Variants in DOCK10 observed in about 807,000 individuals in gnomAD.
DOCK10 encodes the protein dedicator of cytokinesis 10, also known as dedicator of cytokinesis protein 10.
In DOCK10, 145 loss-of-function variants were observed where a neutral mutation model predicts 280.1. The ratio of observed to expected loss-of-function variants is 0.52; its 90% CI spans 0.45 to 0.59. DOCK10 has a LOEUF of 0.59. Ranked by LOEUF, DOCK10 falls within the 20% of genes least tolerant of loss-of-function variation. DOCK10 has a pLI of 0.00. For missense variants in DOCK10, 2,368 were observed against 2,651.7 expected (o/e 0.89, Z 2.35); for synonymous variants, 915 against 942.2 (o/e 0.97, Z 0.53).
At chr2:225,036,126 T>G (rs932994376) in intron 1 of DOCK10, among the ~76,000 whole-genome samples, 5 of 152,156 alleles carry the variant, frequency 3.3e-5, no homozygotes, top group African/African-American at 1.2e-4. Flanking sequence ...GAAACACATG[T>G]TTAGGGTATG....
In DOCK10 at chr2:224,885,704, G is replaced by A. The variant is rs537431315; in HGVS notation, c.714C>T (p.Cys238=). The stretch of plus-strand genomic sequence containing the variant: ...CTCCTGTACAGGAATCCAAAAAGAT[G>A]CATCCTTTGGGTTCTTTGGATATTT... ...DEKISKEPKG[C]IFLDSCTGVV... Residue 238 remains cysteine, a synonymous_variant, in exon 7 of 56, where the codon TGC becomes TGT. Coordinates refer to ENST00000258390, the MANE Select transcript of DOCK10 (RefSeq NM_014689.3). 3 of 1,612,872 alleles carry A rather than the reference G, an allele frequency of 1.9e-6. No individual in the cohort carries two copies. Among genetic ancestry groups the A allele is most frequent in the Non-Finnish European group, 1.7e-6 (2 of 1,179,316 alleles).
At chr2:225,003,811 G>C (rs951837400) in intron 1 of DOCK10, among the ~76,000 whole-genome samples, 1 of 152,118 alleles carries the variant, frequency 6.6e-6, no homozygotes, top group Non-Finnish European at 1.5e-5. Context: ...TGACTCCCAA[G>C]CTGCTTTGGG....
chr2:224,793,432 G>C lies in DOCK10; in HGVS notation c.5180C>G (p.Ala1727Gly), dbSNP rs748475507. 1.2e-6 allele frequency: 2 copies of C among 1,613,508 alleles called. No individual in the cohort carries two copies. The highest frequency in any genetic ancestry group is 1.7e-6 in the Non-Finnish European group (2 of 1,179,618). Residue 1727 changes from alanine (A) to glycine (G), a missense_variant, in exon 46 of 56, where the codon GCT (alanine) becomes GGT (glycine). Ala to Gly is a moderately conservative substitution (Grantham distance 60). Coordinates refer to ENST00000258390, the MANE Select transcript of DOCK10 (RefSeq NM_014689.3). Reference protein sequence around the residue: ...SEAAMCYIHIAALIAEYLKRK... With the variant: ...SEAAMCYIHIGALIAEYLKRK... ...TTTCAGATACTCTGCAATGAGAGCAGCAATATGGATGTAACACATGGCAGC... is the reference window on the plus strand; with the variant it reads ...TTTCAGATACTCTGCAATGAGAGCACCAATATGGATGTAACACATGGCAGC...
At chr2:224,987,569 G>A (rs537318907) in intron 1 of DOCK10, among the ~76,000 whole-genome samples, 2 of 152,294 alleles carry the variant, frequency 1.3e-5, no homozygotes, top group African/African-American at 2.4e-5. Flanking sequence ...GGGATGGGGT[G>A]TATATCTAGT....
chr2:224,912,962 G>A (rs1027122453), intron 3 of DOCK10, among the ~76,000 whole-genome samples: 1 of 152,104 alleles, frequency 6.6e-6, no homozygotes, highest in Non-Finnish European at 1.5e-5. Context: ...GGAGGTGGGG[G>A]TTGCAGTGAG....
chr2:225,025,334 C>G (rs1689892571), intron 1 of DOCK10, among the ~76,000 whole-genome samples: 1 of 152,164 alleles, frequency 6.6e-6, no homozygotes, highest in Non-Finnish European at 1.5e-5. Flanking sequence ...TAAGAGGACA[C>G]TGGAGTTCGA....
At chr2:225,022,165 T>G (rs1689798879) in intron 1 of DOCK10, among the ~76,000 whole-genome samples, 1 of 152,340 alleles carries the variant, frequency 6.6e-6, no homozygotes, top group East Asian at 1.9e-4. Flanking sequence ...GCTTACAATA[T>G]AGCAGGTAAG....
chr2:224,823,495 C>G lies in DOCK10; in HGVS notation c.3183+6G>C. The stretch of plus-strand genomic sequence containing the variant: ...TGAATAGAACTGCGATCTCATATAA[C>G]TGTACCTTGAGAAATCTGGCAACGC... On this transcript the variant is annotated splice_donor_region_variant and intron_variant, in intron 28 of 55. Coordinates refer to ENST00000258390, the MANE Select transcript of DOCK10 (RefSeq NM_014689.3). 1 of 1,591,974 alleles carries G rather than the reference C, an allele frequency of 6.3e-7. No homozygotes were observed. The highest frequency in any genetic ancestry group is 8.5e-7 in the Non-Finnish European group (1 of 1,173,018).
In DOCK10 at chr2:224,893,303, CA is replaced by C. The variant is rs750765498; in HGVS notation, c.416+2991del. Reference sequence around the variant, plus strand: ...CACATTCTGGCTCACTGTAGACACTCAAAAAAATGCTCTTTTATTAAAAAAA... The same window carrying C: ...CACATTCTGGCTCACTGTAGACACTCAAAAAATGCTCTTTTATTAAAAAAA... On this transcript the variant is annotated intron_variant, in intron 4 of 55. Transcript: ENST00000258390. 212 of 161,700 alleles carry C rather than the reference CA, an allele frequency of 1.3e-3. 3 individuals are homozygous for C. The highest frequency in any genetic ancestry group is 6.3e-4 in the Non-Finnish European group (47 of 74,618). The allele number at this position is 161,700 out of a possible 1,614,324, so 10.0% of individuals were successfully genotyped here. A position where few individuals can be genotyped will look rare whatever the true frequency, so the allele number is the denominator to read the frequency against.
chr2:225,012,934 G>GAGCTTCTATTAGATTACC (rs781104312), intron 1 of DOCK10, among the ~76,000 whole-genome samples: 6 of 152,086 alleles, frequency 3.9e-5, no homozygotes, highest in Non-Finnish European at 7.4e-5. Context: ...TTAAATAATT[G>GAGCTTCTATTAGATTACC]AGCTTCTATT....
chr2:224,781,785 T>G (rs1460954962), intron 50 of DOCK10, among the ~76,000 whole-genome samples: 1 of 152,240 alleles, frequency 6.6e-6, no homozygotes, highest in Non-Finnish European at 1.5e-5. Context: ...ATTATGAAAC[T>G]TTAAGGCAAT....
intron 1 of DOCK10, among the ~76,000 whole-genome samples, chr2:225,003,085 T>C (rs1199943281): frequency 6.6e-6 from 1 of 152,196 alleles, no homozygotes; most frequent in Non-Finnish European, 1.5e-5. Context: ...TCTCACTTTA[T>C]CACCAGGCTG....
chr2:224,952,793 C>T (rs1408863337), intron 1 of DOCK10, among the ~76,000 whole-genome samples: 5 of 151,914 alleles, frequency 3.3e-5, no homozygotes, highest in South Asian at 2.1e-4. Flanking sequence ...GGGGTTTCAC[C>T]GTTTTAGCCG....
intron 29 of DOCK10, among the ~76,000 whole-genome samples, chr2:224,817,847 C>T (rs988837265): frequency 2.0e-5 from 3 of 152,312 alleles, no homozygotes; most frequent in South Asian, 2.1e-4. Flanking sequence ...CTAAGCATGA[C>T]GTGAAAGGCT....
At chr2:224,903,052 T>G (rs1700394112) in intron 3 of DOCK10, among the ~76,000 whole-genome samples, 1 of 152,142 alleles carries the variant, frequency 6.6e-6, no homozygotes. Flanking sequence ...GAGCCGAGAT[T>G]GCGCCACTGC....
chr2:224,999,240 GTC>G (rs916845973), intron 1 of DOCK10, among the ~76,000 whole-genome samples: 30 of 139,998 alleles, frequency 2.1e-4, no homozygotes, highest in African/African-American at 5.1e-4. Flanking sequence ...CTCTTTCTCT[GTC>G]TCTCTCTCTT....
intron 14 of DOCK10, among the ~76,000 whole-genome samples, chr2:224,857,722 T>A (rs997018862): frequency 2.0e-5 from 3 of 152,264 alleles, no homozygotes; most frequent in African/African-American, 7.2e-5. Context: ...ATTCCTCATA[T>A]CTCATTACAC....
chr2:224,986,251 GA>G (rs1705971122), intron 1 of DOCK10, among the ~76,000 whole-genome samples: 1 of 152,166 alleles, frequency 6.6e-6, no homozygotes, highest in African/African-American at 2.4e-5. Context: ...AAATATTTGA[GA>G]AATAAAAAAT....
chr2:224,776,164 C>G (rs1466367859), intron 51 of DOCK10, among the ~76,000 whole-genome samples: 2 of 152,100 alleles, frequency 1.3e-5, no homozygotes, highest in African/African-American at 4.8e-5. Context: ...AATGAAACCT[C>G]AAAGAATTTT....
Sources: gnomAD v4.1 joint callset for allele counts (sites outside exome capture counted in the v4.1 genomes callset) on GRCh38, gnomAD v4.1.1 for gene constraint, MANE v1.5 for transcripts, NCBI Gene and HGNC (gene_info 2026-07-23, HGNC 2026-07-21) for gene names.